The following ADGRL2 variants were observed in gnomAD, a reference collection of about 807,000 sequenced individuals.
ADGRL2 encodes calcium-independent alpha-latrotoxin receptor 2.
In ADGRL2, 44 loss-of-function variants were observed where a neutral mutation model predicts 157.4. The ratio of observed to expected loss-of-function variants is 0.28; its 90% confidence interval spans 0.22 to 0.36. The LOEUF (loss-of-function observed/expected upper bound fraction) is 0.36, where lower values mean the gene tolerates loss of function less well. ADGRL2 is among the 10% of genes least tolerant of loss of function. ADGRL2 has a pLI of 1.00. For missense variants in ADGRL2, 1,510 were observed against 1,768.9 expected, an observed-to-expected ratio of 0.85 and a Z score of 2.63; for synonymous variants, 585 against 624.7, an observed-to-expected ratio of 0.94 and a Z score of 0.95.
At chr1:81,737,921 A>T (rs955777581) in intron 1 of ADGRL2, among the ~76,000 whole-genome samples, 2 of 152,188 alleles carry the variant, frequency 1.3e-5, no homozygotes, top group African/African-American at 4.8e-5. Flanking sequence ...TACCCCATAA[A>T]ATACTTTTGC....
chr1:81,777,128 A>G (rs969127454), intron 2 of ADGRL2, among the ~76,000 whole-genome samples: 11 of 152,178 alleles, frequency 7.2e-5, no homozygotes, highest in African/African-American at 2.4e-4. Flanking sequence ...GGAGTTCTAT[A>G]TTCTTCCCAT....
chr1:81,652,257 T>A (rs2082436855), intron 3 of ADGRL2, among the ~76,000 whole-genome samples: 1 of 152,208 alleles, frequency 6.6e-6, no homozygotes. Flanking sequence ...CAGCTGAAAA[T>A]ATTTAATTCT....
At chr1:81,628,400 G>A (rs1171875314) in intron 3 of ADGRL2, among the ~76,000 whole-genome samples, 1 of 152,036 alleles carries the variant, frequency 6.6e-6, no homozygotes, top group Non-Finnish European at 1.5e-5. Flanking sequence ...TGGTCCTGTG[G>A]CATCTCTCAC....
intron 3 of ADGRL2, among the ~76,000 whole-genome samples, chr1:81,678,492 G>C (rs2083041264): frequency 6.6e-6 from 1 of 152,114 alleles, no homozygotes; most frequent in Admixed American, 6.5e-5. Context: ...TGTATCTTTG[G>C]CCTAAATTTT....
chr1:81,503,965 T>A (rs1304904031), intron 2 of ADGRL2, among the ~76,000 whole-genome samples: 22 of 152,300 alleles, frequency 1.4e-4, no homozygotes, highest in Non-Finnish European at 2.5e-4. Flanking sequence ...TGAGCATGGT[T>A]GGTGCCCTTC....
At chr1:81,950,167 T>C in intron 6 of ADGRL2, 22 bp from the exon 7 acceptor site, 1 of 1,606,852 alleles carries the variant, frequency 6.2e-7, no homozygotes, top group Non-Finnish European at 8.5e-7. Context: ...TTGAGATTAA[T>C]ATACTCATCT....
intron 2 of ADGRL2, among the ~76,000 whole-genome samples, chr1:81,454,584 A>T (rs2077765242): frequency 6.6e-6 from 1 of 152,204 alleles, no homozygotes; most frequent in African/African-American, 2.4e-5. Flanking sequence ...AATCTTCTGC[A>T]TTAAACCTAC....
chr1:81,746,295 T>A (rs904430178), intron 1 of ADGRL2, among the ~76,000 whole-genome samples: 9 of 152,258 alleles, frequency 5.9e-5, no homozygotes, highest in African/African-American at 1.2e-4. Context: ...TGTATATTTT[T>A]AAAAATTTTT....
rs372861385 is a variant in ADGRL2, at chr1:81,334,114, C to A, written c.-302+27605C>A. Among the ~76,000 whole-genome samples, 119 of 152,296 alleles carry A rather than the reference C, an allele frequency of 7.8e-4. 1 individual carries two copies. The South Asian group carries it at 0.024, about 30-fold the overall frequency. On this transcript the variant is annotated intron_variant, in intron 1 of 24. Coordinates refer to the ADGRL2 transcript ENST00000370721. Reference sequence around the variant, plus strand: ...GCAGTTCAAATAGACCAACACAGGACTTTTCCTGATAGTTTTAGAATAGCA... The same window carrying A: ...GCAGTTCAAATAGACCAACACAGGAATTTTCCTGATAGTTTTAGAATAGCA...
chr1:81,816,960 G>T (rs1350348492), intron 1 of ADGRL2, among the ~76,000 whole-genome samples: 2 of 146,142 alleles, frequency 1.4e-5, no homozygotes, highest in African/African-American at 2.5e-5. Flanking sequence ...TAGTTTTTTG[G>T]GGCTTTTTTT....
chr1:81,929,484 C>G (rs1046411373), intron 3 of ADGRL2, among the ~76,000 whole-genome samples: 3 of 152,112 alleles, frequency 2.0e-5, no homozygotes, highest in Non-Finnish European at 4.4e-5. Context: ...AACAGAAGCC[C>G]CTGCTTAATC....
In ADGRL2 at chr1:81,616,646, GT is replaced by G. The variant is rs370929751; in HGVS notation, c.-143+35678del. Among the ~76,000 whole-genome samples, 679 of 111,118 alleles carry G rather than the reference GT, an allele frequency of 6.1e-3. 4 individuals carry two copies. The highest frequency in any genetic ancestry group is 0.01 in the Non-Finnish European group (521 of 51,264). 72.9% of individuals were successfully genotyped at this position (111,118 alleles called of 152,430 possible). On this transcript the variant is annotated intron_variant, in intron 3 of 24. Transcript: ENST00000370721. The stretch of plus-strand genomic sequence containing the variant: ...TTAGTATCCACTTCTAGTTTTTTGG[GT>G]TTTTTTTTTTTCTTTTCTTTTCTTT...
intron 1 of ADGRL2, chr1:81,721,820 G>A (rs1485351983): frequency 5.0e-6 from 5 of 999,776 alleles, no homozygotes; most frequent in Non-Finnish European, 7.8e-6. Context: ...AGTACCACCT[G>A]CTACTCAGAA....
Position 81,968,283 on chromosome 1 carries a change from G to A in ADGRL2, c.2523+84G>A, listed in dbSNP as rs372734127. ...TGTATAATAGTCCCATTCTTTGGGT[G>A]CTTACCGTAACTAAAAAGCAAACAA... On this transcript the variant is annotated intron_variant, in intron 14 of 23. Coordinates refer to ENST00000686636, the MANE Select transcript of ADGRL2 (RefSeq NM_001366006.2). 175 of 1,167,918 alleles carry A rather than the reference G, an allele frequency of 1.5e-4. 1 individual carries two copies. In the South Asian group the frequency reaches 2.1e-3, roughly 14 times the overall value. The allele number at this position is 1,167,918 out of a possible 1,614,324, so 72.3% of individuals were successfully genotyped here. A position where few individuals can be genotyped will look rare whatever the true frequency, so the allele number is the denominator to read the frequency against.
chr1:81,313,486 A>AT (rs1415515814), intron 1 of ADGRL2, among the ~76,000 whole-genome samples: 1 of 152,184 alleles, frequency 6.6e-6, no homozygotes, highest in Non-Finnish European at 1.5e-5. Flanking sequence ...TTAAAATGGC[A>AT]TGCCTGTCTG....
chr1:81,869,658 G>C (rs1191600246), intron 2 of ADGRL2, among the ~76,000 whole-genome samples: 5 of 151,930 alleles, frequency 3.3e-5, no homozygotes, highest in Non-Finnish European at 5.9e-5. Flanking sequence ...AAAATGAAAG[G>C]TGAATGTCAG....
intron 2 of ADGRL2, among the ~76,000 whole-genome samples, chr1:81,762,038 C>G (rs1557628834): frequency 6.6e-6 from 1 of 152,078 alleles, no homozygotes; most frequent in South Asian, 2.1e-4. Context: ...AAAATGTTCA[C>G]CAAATATACT....
intron 3 of ADGRL2, among the ~76,000 whole-genome samples, chr1:81,656,749 C>T (rs1360735900): frequency 6.6e-6 from 1 of 152,082 alleles, no homozygotes; most frequent in Non-Finnish European, 1.5e-5. Flanking sequence ...GTGGCTTATG[C>T]CAGTAATACA....
chr1:81,896,887 G>A (rs1004570476), intron 2 of ADGRL2, among the ~76,000 whole-genome samples: 1 of 151,974 alleles, frequency 6.6e-6, no homozygotes, highest in Non-Finnish European at 1.5e-5. Context: ...TCTTTATTTT[G>A]TCACTCCATA....
Sources: gnomAD v4.1 joint callset for allele counts (sites outside exome capture counted in the v4.1 genomes callset) on GRCh38, gnomAD v4.1.1 for gene constraint, MANE v1.5 for transcripts, NCBI Gene and HGNC (gene_info 2026-07-23, HGNC 2026-07-21) for gene names.